The following DSE variants were observed in gnomAD, a reference collection of about 807,000 sequenced individuals.
The protein encoded by DSE is dermatan-sulfate epimerase.
DSE carries 36 observed loss-of-function variants against 84.4 expected under a neutral mutation model. The observed-to-expected ratio is 0.43, with a 90% CI of 0.33 to 0.56. DSE has a LOEUF of 0.56. Among genes scored for constraint, DSE ranks in the 20% least tolerant of loss-of-function variants. DSE has a pLI of 0.06. For missense variants in DSE, 862 were observed against 1,169.6 expected, an observed-to-expected ratio of 0.74 and a Z score of 3.84; for synonymous variants, 410 against 430.1, an observed-to-expected ratio of 0.95 and a Z score of 0.58.
chr6:116,327,095 C>T (rs1342079355), intron 2 of DSE, among the ~76,000 whole-genome samples: 2 of 152,070 alleles, frequency 1.3e-5, no homozygotes, highest in Non-Finnish European at 2.9e-5. Context: ...ATTAAGGGGT[C>T]CAAAGATACT....
chr6:116,311,037 T>C (rs1431144072), intron 2 of DSE, among the ~76,000 whole-genome samples: 1 of 152,180 alleles, frequency 6.6e-6, no homozygotes, highest in African/African-American at 2.4e-5. Context: ...TCATCTCAGC[T>C]CTTCACACAT....
intron 2 of DSE, among the ~76,000 whole-genome samples, chr6:116,262,111 G>C (rs994284723): frequency 1.3e-5 from 2 of 152,176 alleles, no homozygotes; most frequent in Non-Finnish European, 2.9e-5. Context: ...TGGCCTCATA[G>C]AATAAGTTAG....
In DSE at chr6:116,436,440, A is replaced by G; in HGVS notation, c.1972A>G (p.Thr658Ala). 1.2e-6 allele frequency: 2 copies of G among 1,614,162 alleles called. No individual in the cohort carries two copies. The highest frequency in any genetic ancestry group is 1.7e-6 in the Non-Finnish European group (2 of 1,180,022). The change falls in exon 6 of 6, where the codon ACC becomes GCC. Residue 658 changes from threonine to alanine, a missense_variant. By Grantham distance (58) the Thr-to-Ala change is moderately conservative (BLOSUM62 0). This residue lies in a region of DSE where 186 missense variants were observed against 255.1 expected (regional missense o/e 0.73). Transcript: ENST00000644252. ...CACCATGCACCTCCGAAGTCCCATC[A>G]CCAGGGCAGCTTACCTCTTCATAGG... ...NVTMHLRSPI[T>A]RAAYLFIGPS...
At chr6:116,299,543 TATATATATACAC>T (rs1229411699) in intron 2 of DSE, among the ~76,000 whole-genome samples, 2,999 of 27,194 alleles carry the variant, frequency 0.11, 174 homozygotes, top group Admixed American at 0.23. Flanking sequence ...TATATATATA[TATATATATACAC>T]ATACACACAC....
rs373168180 is a variant in DSE, at chr6:116,436,305, C to A, written c.1837C>A (p.Leu613Ile). 2.0e-5 allele frequency: 32 copies of A among 1,614,004 alleles called. No homozygotes were observed. The highest frequency in any genetic ancestry group is 2.5e-5 in the Non-Finnish European group (29 of 1,180,026). Residue 613 changes from leucine (L) to isoleucine (I), a missense_variant, in exon 6 of 6, where the codon CTC (leucine) becomes ATC (isoleucine). Around this residue, in one of 4 missense-constraint regions of DSE, gnomAD observed 186 missense variants for 255.1 expected, o/e 0.73. Transcript: ENST00000644252. ...HGAFIRQRDG[L>I]YKMYWMDDTG... is the part of the protein sequence containing the mutation. ...GGCTTTCATCAGGCAGAGAGATGGT[C>A]TCTATAAAATGTACTGGATGGACGA... is the stretch of plus-strand genomic sequence containing the variant.
chr6:116,393,409 C>T (rs544903722), intron 1 of DSE, among the ~76,000 whole-genome samples: 1 of 152,108 alleles, frequency 6.6e-6, no homozygotes, highest in Non-Finnish European at 1.5e-5. Flanking sequence ...ATCTATAGTT[C>T]TTATATTTTT....
chr6:116,425,649 G>T (rs1177763981), intron 2 of DSE, among the ~76,000 whole-genome samples: 2 of 136,988 alleles, frequency 1.5e-5, no homozygotes, highest in Non-Finnish European at 1.5e-5. Context: ...TTGAGACGGA[G>T]TCTCGCTGTG....
At chr6:116,348,359 G>A (rs767981906) in intron 2 of DSE, among the ~76,000 whole-genome samples, 1 of 151,984 alleles carries the variant, frequency 6.6e-6, no homozygotes, top group African/African-American at 2.4e-5. Context: ...CCTGGGAGAC[G>A]GAGCTTGAAG....
intron 2 of DSE, among the ~76,000 whole-genome samples, chr6:116,312,103 G>A (rs1023290625): frequency 2.6e-5 from 4 of 152,160 alleles, no homozygotes; most frequent in African/African-American, 9.7e-5. Context: ...TAGGCAGATA[G>A]GGACCTTAGA....
At chr6:116,345,362 T>C (rs562489541) in intron 2 of DSE, among the ~76,000 whole-genome samples, 39 of 152,344 alleles carry the variant, frequency 2.6e-4, no homozygotes, top group African/African-American at 9.1e-4. Context: ...GACCACATAG[T>C]TGGAAGTAAA....
upstream of DSE, chr6:116,370,609 A>G (rs924139572): frequency 1.1e-5 from 9 of 803,026 alleles, no homozygotes; most frequent in African/African-American, 1.1e-4. Context: ...TGATTCTCGA[A>G]CCCGAAGCGT....
intron 2 of DSE, among the ~76,000 whole-genome samples, chr6:116,414,435 G>A (rs1325521074): frequency 6.6e-6 from 1 of 150,976 alleles, no homozygotes; most frequent in African/African-American, 2.4e-5. Flanking sequence ...TTTTTTAGGT[G>A]GAGTTTCGCT....
chr6:116,430,939 G>A lies in DSE; in HGVS notation c.671-15G>A. 1.9e-6 allele frequency: 3 copies of A among 1,611,978 alleles called. No individual in the cohort carries two copies. Among genetic ancestry groups the A allele is most frequent in the Non-Finnish European group, 2.5e-6 (3 of 1,179,434 alleles). On this transcript the variant is annotated splice_polypyrimidine_tract_variant and intron_variant, in intron 3 of 5. Transcript: ENST00000644252. ...CAGGCTTTAGTCATTGCTTCCATGT[G>A]TTTTCATCCTTCAGGATATCTTCAA...
In DSE at chr6:116,293,838, G is replaced by A. The variant is rs959694158; in HGVS notation, c.-54+34871G>A. Among the ~76,000 whole-genome samples, 5 of 151,798 alleles carry A rather than the reference G, an allele frequency of 3.3e-5. No individual in the cohort carries two copies. The East Asian group carries it at 5.9e-4, about 18-fold the overall frequency. On this transcript the variant is annotated intron_variant, in intron 2 of 3. Transcript: ENST00000430252. ...CAAGGCTGCAGTGAGCTATGATCACGCCACTGCACTCCAGCCTGGGTGACA... is the reference window on the plus strand; with the variant it reads ...CAAGGCTGCAGTGAGCTATGATCACACCACTGCACTCCAGCCTGGGTGACA...
chr6:116,369,736 G>A (rs1158205835), upstream of DSE: 2 of 386,848 alleles, frequency 5.2e-6, no homozygotes, highest in Admixed American at 7.0e-5. Flanking sequence ...CTCTTGACCT[G>A]TTTGTAAGGA....
At chr6:116,408,953 T>G (rs1021811581) in intron 2 of DSE, among the ~76,000 whole-genome samples, 6 of 152,210 alleles carry the variant, frequency 3.9e-5, no homozygotes, top group Non-Finnish European at 7.3e-5. Flanking sequence ...GGCGATAGTT[T>G]GTTGGAATTA....
chr6:116,311,524 A>G (rs1276295183), intron 2 of DSE, among the ~76,000 whole-genome samples: 2 of 152,240 alleles, frequency 1.3e-5, no homozygotes, highest in Non-Finnish European at 2.9e-5. Context: ...GCAGCAACCT[A>G]CATGTCTTCA....
intron 2 of DSE, among the ~76,000 whole-genome samples, chr6:116,362,603 T>TG (rs1778967174): frequency 6.6e-6 from 1 of 152,202 alleles, no homozygotes; most frequent in South Asian, 2.1e-4. Context: ...ACCTTGATCT[T>TG]GAACTTCCTA....
chr6:116,346,043 C>T (rs944570447), intron 2 of DSE, among the ~76,000 whole-genome samples: 1 of 152,098 alleles, frequency 6.6e-6, no homozygotes, highest in Non-Finnish European at 1.5e-5. Flanking sequence ...TTCCTGGACA[C>T]ATACACCCTC....
Sources: allele counts gnomAD v4.1 joint callset (sites outside exome capture counted in the v4.1 genomes callset), GRCh38; gene constraint gnomAD v4.1.1; regional missense constraint gnomAD v4.1.1; transcripts MANE v1.5; gene names NCBI Gene and HGNC (gene_info 2026-07-23, HGNC 2026-07-21).